The following ASPRV1 variants were observed in gnomAD, a reference collection of about 807,000 sequenced individuals.
ASPRV1 encodes aspartic peptidase retroviral like 1, also known as retroviral-like aspartic protease 1.
A neutral mutation model predicts 11.0 loss-of-function variants in ASPRV1; 7 were observed. The observed-to-expected ratio is 0.64, with a 90% CI of 0.36 to 1.20. The LOEUF (loss-of-function observed/expected upper bound fraction) is 1.20. Ranked by LOEUF, ASPRV1 falls within the 50% of genes most tolerant of loss-of-function variation. The pLI is 0.02. For missense variants in ASPRV1, 299 were observed against 320.0 expected (o/e 0.93, Z 0.50); for synonymous variants, 136 against 138.4 (o/e 0.98, Z 0.12).
chr2:70,071,308 G>A, the ASPRV1 span, among the ~76,000 whole-genome samples: 1 of 152,208 alleles, frequency 6.6e-6, no homozygotes, highest in African/African-American at 2.4e-5. Flanking sequence ...TTTCTGTGCA[G>A]AATGATCTGA....
At chr2:69,997,107 GC>G in the ASPRV1 span, among the ~76,000 whole-genome samples, 2 of 151,084 alleles carry the variant, frequency 1.3e-5, no homozygotes, top group Non-Finnish European at 2.9e-5. Flanking sequence ...GATGGCTTAA[GC>G]CCAGAAGTTG....
At chr2:70,065,819 CAAAAAAAAAAAAAA>C in the ASPRV1 span, among the ~76,000 whole-genome samples, 12 of 67,448 alleles carry the variant, frequency 1.8e-4, no homozygotes, top group Admixed American at 1.3e-3. Flanking sequence ...GCTTTTGACT[CAAAAAAAAAAAAAA>C]AAAAAAAAAA....
the ASPRV1 span, among the ~76,000 whole-genome samples, chr2:70,037,878 T>C: frequency 2.6e-3 from 403 of 152,368 alleles, 9 homozygotes; most frequent in South Asian, 6.2e-4. Flanking sequence ...AATTTTGTTA[T>C]ATGGTGACAG....
chr2:70,044,155 A>G, the ASPRV1 span, among the ~76,000 whole-genome samples: 1 of 152,136 alleles, frequency 6.6e-6, no homozygotes, highest in African/African-American at 2.4e-5. Context: ...AAAATGTTTC[A>G]CAATCAAAAC....
the ASPRV1 span, among the ~76,000 whole-genome samples, chr2:70,010,397 T>A: frequency 6.6e-6 from 1 of 152,016 alleles, no homozygotes; most frequent in South Asian, 2.1e-4. Flanking sequence ...GCAGTAGGGA[T>A]TTGCGTGGCA....
At chr2:70,025,396 G>A in the ASPRV1 span, among the ~76,000 whole-genome samples, 2 of 150,946 alleles carry the variant, frequency 1.3e-5, no homozygotes, top group South Asian at 4.2e-4. Context: ...CATCTCCAAA[G>A]GAAAAAAAGA....
chr2:70,037,786 G>A, the ASPRV1 span, among the ~76,000 whole-genome samples: 1 of 151,366 alleles, frequency 6.6e-6, no homozygotes, highest in Non-Finnish European at 1.5e-5. Flanking sequence ...TGCCTTTAGT[G>A]CCATACTTCA....
chr2:69,969,187 T>C, the ASPRV1 span, among the ~76,000 whole-genome samples: 1 of 152,146 alleles, frequency 6.6e-6, no homozygotes, highest in African/African-American at 2.4e-5. Flanking sequence ...TTGCCAAGCC[T>C]ATGTGCCAGA....
the ASPRV1 span, chr2:70,060,079 T>G: frequency 1.3e-5 from 2 of 152,112 alleles, no homozygotes; most frequent in South Asian, 4.1e-4. Context: ...TGGTGGCTAA[T>G]GCCTGTAATC....
chr2:70,014,796 C>CAAAAAAAAAAAAAAAAA, the ASPRV1 span, among the ~76,000 whole-genome samples: 17 of 74,004 alleles, frequency 2.3e-4, no homozygotes, highest in East Asian at 1.1e-3. Flanking sequence ...GACCTTGTCT[C>CAAAAAAAAAAAAAAAAA]AAAAAAAAAA....
At chr2:70,059,048 C>A in the ASPRV1 span, among the ~76,000 whole-genome samples, 1 of 151,384 alleles carries the variant, frequency 6.6e-6, no homozygotes, top group South Asian at 2.1e-4. Flanking sequence ...CCACTACGCC[C>A]GGCTAATTTT....
Position 69,961,524 on chromosome 2 carries a change from C to CT in ASPRV1, c.-89_-88insA. 6.2e-7 allele frequency: 1 copy of CT among 1,614,122 alleles called. No homozygotes were observed. The highest frequency in any genetic ancestry group is 8.5e-7 in the Non-Finnish European group (1 of 1,180,036). On this transcript the variant is annotated 5_prime_UTR_variant, in exon 1 of 1. Coordinates refer to ENST00000320256, the MANE Select transcript of ASPRV1 (RefSeq NM_152792.4). ...GTGTCGGCGCAATCACGCTGGAAAA[C>CT]GGGGCCTCTCGAAGCAGAGTGGGGA...
At chr2:70,043,786 A>G in the ASPRV1 span, among the ~76,000 whole-genome samples, 1 of 152,230 alleles carries the variant, frequency 6.6e-6, no homozygotes, top group African/African-American at 2.4e-5. Flanking sequence ...TAAACCACAG[A>G]CCCAAAGGTC....
chr2:70,006,465 G>C, the ASPRV1 span, among the ~76,000 whole-genome samples: 1 of 152,156 alleles, frequency 6.6e-6, no homozygotes, highest in Non-Finnish European at 1.5e-5. Context: ...GTGGCTTCTA[G>C]CTGGGAGGTA....
chr2:70,019,925 T>C, the ASPRV1 span, among the ~76,000 whole-genome samples: 1 of 152,038 alleles, frequency 6.6e-6, no homozygotes, highest in South Asian at 2.1e-4. Flanking sequence ...CACAAAAAAA[T>C]GGGAAGTATA....
At chr2:70,035,359 C>A in the ASPRV1 span, among the ~76,000 whole-genome samples, 1 of 152,076 alleles carries the variant, frequency 6.6e-6, no homozygotes, top group Non-Finnish European at 1.5e-5. Flanking sequence ...TCCTATGGTG[C>A]CTCCATTTCC....
At chr2:70,013,385 C>T in the ASPRV1 span, among the ~76,000 whole-genome samples, 84 of 152,292 alleles carry the variant, frequency 5.5e-4, no homozygotes, top group South Asian at 0.016. Flanking sequence ...TATTAAAATA[C>T]TATTTTTTCC....
the ASPRV1 span, among the ~76,000 whole-genome samples, chr2:70,024,080 G>A: frequency 2.3e-5 from 3 of 130,888 alleles, no homozygotes; most frequent in African/African-American, 9.0e-5. Context: ...GCAAAATCCC[G>A]TCACTATTAA....
the ASPRV1 span, among the ~76,000 whole-genome samples, chr2:69,991,160 G>A: frequency 2.0e-5 from 3 of 152,256 alleles, no homozygotes; most frequent in East Asian, 5.8e-4. Context: ...GACCTGCCTG[G>A]GGAATTCCTA....
Sources: allele counts gnomAD v4.1 joint callset (sites outside exome capture counted in the v4.1 genomes callset), GRCh38; gene constraint gnomAD v4.1.1; transcripts MANE v1.5; gene names NCBI Gene and HGNC (gene_info 2026-07-23, HGNC 2026-07-21).